MTFMT: variants seen among roughly 807,000 people sequenced by gnomAD.
MTFMT encodes the protein mitochondrial methionyl-tRNA formyltransferase.
MTFMT carries 47 observed loss-of-function variants against 51.8 expected under a neutral mutation model. That is an observed-to-expected ratio of 0.91 (90% CI 0.72 to 1.16). MTFMT has a LOEUF of 1.16. MTFMT is among the 50% of genes most tolerant of loss of function. The pLI is 0.00. For synonymous variants in MTFMT, 196 were observed against 176.7 expected (o/e 1.11, Z -0.87); for missense variants, 512 against 482.3 (o/e 1.06, Z -0.58).
At chr15:65,016,751 C>T (rs2086325815) in intron 5 of MTFMT, among the ~76,000 whole-genome samples, 1 of 151,320 alleles carries the variant, frequency 6.6e-6, no homozygotes, top group Admixed American at 6.6e-5. Flanking sequence ...GTAGAAAATG[C>T]CCTTCTAACT....
rs73473241 is a variant in MTFMT at position 65,013,856 on chromosome 15, T to C, written c.813+2580A>G. ...AGCTACTCAGGAGGCTGAGGTAGAA[T>C]TGCTAGAGCCCAGAAGGCGGAGGTT... On this transcript the variant is annotated intron_variant, in intron 6 of 8. Coordinates refer to ENST00000220058, the MANE Select transcript of MTFMT (RefSeq NM_139242.4). Among the ~76,000 whole-genome samples the C allele has an allele frequency of 5.4e-3, 827 of 152,078 alleles. 11 individuals carry two copies. Among genetic ancestry groups the C allele is most frequent in the African/African-American group, 0.019 (787 of 41,496 alleles).
At chr15:65,009,742 C>T (rs2086248105) in intron 6 of MTFMT, among the ~76,000 whole-genome samples, 1 of 151,922 alleles carries the variant, frequency 6.6e-6, no homozygotes, top group African/African-American at 2.4e-5. Flanking sequence ...CAGCCTCAAC[C>T]TCCCAGGGTC....
Position 65,006,194 on chromosome 15 carries a change from G to T in MTFMT, c.814-3C>A. ...ATCCAGAGCGTCTGCAACGGAATCT[G>T]CAAGTAAAATTAAAGAAGGTATGAT... is the stretch of plus-strand genomic sequence containing the variant. On this transcript the variant is annotated splice_polypyrimidine_tract_variant and splice_region_variant and intron_variant, in intron 6 of 8. Coordinates refer to ENST00000220058, the MANE Select transcript of MTFMT (RefSeq NM_139242.4). The T allele has an allele frequency of 6.2e-7, 1 of 1,609,650 alleles. No individual in the cohort carries two copies. The highest frequency in any genetic ancestry group is 1.7e-5 in the Admixed American group (1 of 59,882).
At chr15:65,028,408 T>C (rs565558146) in intron 1 of MTFMT, among the ~76,000 whole-genome samples, 2 of 152,104 alleles carry the variant, frequency 1.3e-5, no homozygotes, top group Admixed American at 6.5e-5. Context: ...GCGCGAGACC[T>C]CGCCTCAGAA....
chr15:65,013,213 C>T (rs1457277936), intron 6 of MTFMT, among the ~76,000 whole-genome samples: 5 of 151,932 alleles, frequency 3.3e-5, no homozygotes, highest in African/African-American at 7.2e-5. Context: ...ACTTTGAGAG[C>T]GCAGACATCT....
chr15:65,012,715 A>T (rs1328315348), intron 6 of MTFMT, among the ~76,000 whole-genome samples: 2 of 152,084 alleles, frequency 1.3e-5, no homozygotes, highest in Non-Finnish European at 2.9e-5. Flanking sequence ...CTAGACCCTT[A>T]ATTCGATTCT....
At chr15:65,009,807 C>A (rs937591442) in intron 6 of MTFMT, among the ~76,000 whole-genome samples, 7 of 152,108 alleles carry the variant, frequency 4.6e-5, no homozygotes, top group African/African-American at 1.7e-4. Context: ...GTGCATCCCA[C>A]AATACCTAGC....
rs376729915 is a variant in MTFMT, at chr15:65,028,857, A to C, written c.209+548T>G. 3.6e-4 allele frequency among the ~76,000 whole-genome samples: 55 copies of C among 152,326 alleles called. No homozygotes were observed. In the East Asian group the frequency reaches 9.1e-3, roughly 25 times the overall value. On this transcript the variant is annotated intron_variant, in intron 1 of 8. Coordinates refer to ENST00000220058, the MANE Select transcript of MTFMT (RefSeq NM_139242.4). ...TATACCTAACAGTTCTGATTTATAA[A>C]TTTATTCTTTTGAAAACAGGTCGTT...
At chr15:65,022,085 G>T (rs1162312819) in intron 3 of MTFMT, among the ~76,000 whole-genome samples, 1 of 152,200 alleles carries the variant, frequency 6.6e-6, no homozygotes, top group Non-Finnish European at 1.5e-5. Context: ...TTCCATGGAA[G>T]TACAGTTAGG....
At chr15:65,017,721 C>T (rs2140482701) in intron 5 of MTFMT, among the ~76,000 whole-genome samples, 1 of 152,050 alleles carries the variant, frequency 6.6e-6, no homozygotes, top group East Asian at 1.9e-4. Context: ...CTGCTTGAGC[C>T]TGGGAGGTTG....
Position 65,021,711 on chromosome 15 carries a change from T to A in MTFMT, c.543-95A>T, listed in dbSNP as rs533843784. 1.9e-5 allele frequency: 18 copies of A among 938,998 alleles called. No homozygotes were observed. In the Admixed American group the frequency reaches 3.3e-4, roughly 17 times the overall value. The allele number at this position is 938,998 out of a possible 1,614,324, so 58.2% of individuals were successfully genotyped here. A position where few individuals can be genotyped will look rare whatever the true frequency, so the allele number is the denominator to read the frequency against. ...AAAAGATACAAGCTGGGTACAGTGGTCTGCATGCCTATAGTCCTAGTTGCT... is the reference window on the plus strand; with the variant it reads ...AAAAGATACAAGCTGGGTACAGTGGACTGCATGCCTATAGTCCTAGTTGCT... On this transcript the variant is annotated intron_variant, in intron 3 of 8. Coordinates refer to ENST00000220058, the MANE Select transcript of MTFMT (RefSeq NM_139242.4).
At chr15:65,006,839 C>T (rs994508141) in intron 6 of MTFMT, among the ~76,000 whole-genome samples, 1 of 151,954 alleles carries the variant, frequency 6.6e-6, no homozygotes, top group South Asian at 2.1e-4. Flanking sequence ...CTATAGGTAA[C>T]GACTGTTAAG....
In MTFMT at chr15:65,008,253, C is replaced by T. The variant is rs138503852; in HGVS notation, c.814-2062G>A. Reference sequence around the variant, plus strand: ...TTAAAAGATAGGATTTGAGGGCTTCCCCCACCAATGGTTGGCCAGTTATCC... The same window carrying T: ...TTAAAAGATAGGATTTGAGGGCTTCTCCCACCAATGGTTGGCCAGTTATCC... On this transcript the variant is annotated intron_variant, in intron 6 of 8. Coordinates refer to ENST00000220058, the MANE Select transcript of MTFMT (RefSeq NM_139242.4). Among the ~76,000 whole-genome samples, 31 of 152,118 alleles carry T rather than the reference C, an allele frequency of 2.0e-4. No individual in the cohort carries two copies. In the East Asian group the frequency reaches 5.8e-3, roughly 28 times the overall value.
At position 65,006,439 on chromosome 15, in the gene MTFMT, C is replaced by T. The variant is rs55873149; in HGVS notation, c.814-248G>A. ...GTCACCAGGCTGGAGTGCAGTGGCG[C>T]GATCTTGGCTCACTGCAAGCTCCGC... On this transcript the variant is annotated intron_variant, in intron 6 of 8. Coordinates refer to ENST00000220058, the MANE Select transcript of MTFMT (RefSeq NM_139242.4). Among the ~76,000 whole-genome samples, 76,146 of 149,350 alleles carry T rather than the reference C, an allele frequency of 0.51. 20,435 individuals carry two copies. Among genetic ancestry groups the T allele is most frequent in the East Asian group, 0.82 (4,174 of 5,060 alleles).
At chr15:65,028,308 C>T (rs1454024435) in intron 1 of MTFMT, among the ~76,000 whole-genome samples, 3 of 152,134 alleles carry the variant, frequency 2.0e-5, no homozygotes, top group Non-Finnish European at 4.4e-5. Flanking sequence ...CCTAGCTACT[C>T]TGGAAGCTGA....
At chr15:65,006,598 T>C (rs1007204199) in intron 6 of MTFMT, among the ~76,000 whole-genome samples, 3 of 152,002 alleles carry the variant, frequency 2.0e-5, no homozygotes, top group African/African-American at 4.8e-5. Flanking sequence ...CGATGGTCTC[T>C]ATCTCCTGAC....
At chr15:65,006,294 G>A in intron 6 of MTFMT, 103 bp from the exon 7 acceptor site, 1 of 809,854 alleles carries the variant, frequency 1.2e-6, no homozygotes, top group Non-Finnish European at 2.0e-6. Context: ...TTCAATTAGA[G>A]GAATTGGGAA....
intron 3 of MTFMT, 57 bp from the exon 4 acceptor site, chr15:65,021,673 T>G: frequency 7.5e-7 from 1 of 1,328,294 alleles, no homozygotes; most frequent in Non-Finnish European, 1.1e-6. Context: ...GAATCAATGT[T>G]TGTCTACACA....
At chr15:65,028,827 A>G (rs2086452472) in intron 1 of MTFMT, among the ~76,000 whole-genome samples, 1 of 152,216 alleles carries the variant, frequency 6.6e-6, no homozygotes, top group Non-Finnish European at 1.5e-5. Context: ...TATGAATACT[A>G]AATGTATACC....
Sources: gnomAD v4.1 joint callset for allele counts (sites outside exome capture counted in the v4.1 genomes callset) on GRCh38, gnomAD v4.1.1 for gene constraint, MANE v1.5 for transcripts, NCBI Gene and HGNC (gene_info 2026-07-23, HGNC 2026-07-21) for gene names.